HBS1L: variants seen among roughly 807,000 people sequenced by gnomAD.
HBS1L encodes the protein HBS1-like protein.
HBS1L carries 55 observed loss-of-function variants against 88.9 expected under a neutral mutation model. That is an observed-to-expected ratio of 0.62 (90% confidence interval 0.50 to 0.77). The LOEUF (loss-of-function observed/expected upper bound fraction) is 0.77. Ranked by LOEUF, HBS1L falls within the 30% of genes least tolerant of loss-of-function variation. The pLI is 0.00. For synonymous variants in HBS1L, 267 were observed against 288.5 expected (o/e 0.93, Z 0.76); for missense variants, 741 against 829.3 (o/e 0.89, Z 1.31).
chr6:135,023,513 A>G (rs1036746067), intron 4 of HBS1L, among the ~76,000 whole-genome samples: 3 of 152,208 alleles, frequency 2.0e-5, no homozygotes, highest in Admixed American at 6.5e-5. Context: ...TATTAAATAG[A>G]TATTTGCATA....
At chr6:135,026,481 C>A (rs1430182493) in intron 4 of HBS1L, among the ~76,000 whole-genome samples, 2 of 151,890 alleles carry the variant, frequency 1.3e-5, no homozygotes, top group Non-Finnish European at 2.9e-5. Context: ...ATATAAAAGA[C>A]AACAACTTTT....
intron 4 of HBS1L, among the ~76,000 whole-genome samples, chr6:135,022,852 C>T (rs1218547001): frequency 6.6e-6 from 1 of 151,042 alleles, no homozygotes; most frequent in Non-Finnish European, 1.5e-5. Flanking sequence ...GTAACATAAA[C>T]TTTTCAAATT....
At chr6:134,998,106 C>T (rs907142444) in intron 5 of HBS1L, among the ~76,000 whole-genome samples, 3 of 152,160 alleles carry the variant, frequency 2.0e-5, no homozygotes, top group African/African-American at 4.8e-5. Context: ...AATACTACCC[C>T]GAGGGGAGAT....
intron 1 of HBS1L, among the ~76,000 whole-genome samples, chr6:135,053,267 C>G (rs1416979729): frequency 6.6e-6 from 1 of 152,146 alleles, no homozygotes; most frequent in Non-Finnish European, 1.5e-5. Flanking sequence ...TTTCTCAGTA[C>G]CTTTTGTAGC....
At chr6:135,000,089 C>G (rs1326082893) in intron 5 of HBS1L, among the ~76,000 whole-genome samples, 1 of 151,778 alleles carries the variant, frequency 6.6e-6, no homozygotes, top group Non-Finnish European at 1.5e-5. Flanking sequence ...GTCTCGCTCT[C>G]GCTGTGTTGC....
intron 1 of HBS1L, among the ~76,000 whole-genome samples, chr6:135,054,265 T>C (rs1777177506): frequency 6.6e-6 from 1 of 152,262 alleles, no homozygotes. Context: ...CAACGTTTCA[T>C]GGACATTTCT....
chr6:135,030,325 T>C (rs552713162), intron 4 of HBS1L, among the ~76,000 whole-genome samples: 2 of 152,144 alleles, frequency 1.3e-5, no homozygotes, highest in East Asian at 3.9e-4. Flanking sequence ...TGGGTGCATA[T>C]GAAAGTTCCC....
At chr6:134,996,259 A>T (rs1225853249) in intron 7 of HBS1L, among the ~76,000 whole-genome samples, 1 of 152,206 alleles carries the variant, frequency 6.6e-6, no homozygotes, top group Non-Finnish European at 1.5e-5. Flanking sequence ...ACTGCATTAT[A>T]GCTACAGAAT....
chr6:134,993,049 C>G, intron 8 of HBS1L, among the ~76,000 whole-genome samples: 1 of 152,170 alleles, frequency 6.6e-6, no homozygotes, highest in East Asian at 1.9e-4. Flanking sequence ...TGTGCCACAA[C>G]TGCTTACAGT....
intron 8 of HBS1L, among the ~76,000 whole-genome samples, chr6:134,990,092 T>C (rs1775088796): frequency 6.6e-6 from 1 of 152,204 alleles, no homozygotes; most frequent in African/African-American, 2.4e-5. Context: ...TATATTTACC[T>C]TCTTAGGTTA....
rs368678985 is a variant in HBS1L, at chr6:134,985,304, G to A, written c.1492+37C>T. 11 of 1,372,026 alleles carry A rather than the reference G, an allele frequency of 8.0e-6. No individual in the cohort carries two copies. The African/African-American group carries it at 1.5e-4, about 18-fold the overall frequency. The allele number at this position is 1,372,026 out of a possible 1,614,324, so 85.0% of individuals were successfully genotyped here. On this transcript the variant is annotated intron_variant, in intron 12 of 17. Transcript: ENST00000367837. ...AGGTTAGGAGGGAATGGGGAAAAGG[G>A]GCTATACTGAAGAAGCACTACAAAG... is the stretch of plus-strand genomic sequence containing the variant.
At chr6:134,965,955 A>C (rs1209283348) in intron 17 of HBS1L, among the ~76,000 whole-genome samples, 1 of 152,212 alleles carries the variant, frequency 6.6e-6, no homozygotes, top group African/African-American at 2.4e-5. Context: ...GGAGTAATGA[A>C]GTACCCTTTA....
intron 8 of HBS1L, 151 bp from the exon 9 acceptor site, chr6:134,987,942 G>A: frequency 1.4e-5 from 7 of 518,086 alleles, no homozygotes; most frequent in South Asian, 1.4e-4. Flanking sequence ...TCCCAAAGAT[G>A]GATTAAAATT....
chr6:134,978,764 G>A lies in HBS1L; in HGVS notation c.1712C>T (p.Pro571Leu), dbSNP rs553194148. Residue 571 changes from proline to leucine, a missense_variant, in exon 15 of 18, where the codon CCC becomes CTC. Transcript: ENST00000367837. ...KINVGCIFCG[P>L]KVPIKACTRF... ...AGTGCAAGCTTTAATGGGTACTTTG[G>A]GGCCACAAAATATGCAGCCAACACT... 7.5e-6 allele frequency: 12 copies of A among 1,606,556 alleles called. No homozygotes were observed. The East Asian group carries it at 2.5e-4, about 33-fold the overall frequency.
At chr6:134,994,767 T>A (rs1308602728) in intron 7 of HBS1L, among the ~76,000 whole-genome samples, 2 of 152,102 alleles carry the variant, frequency 1.3e-5, no homozygotes, top group African/African-American at 4.8e-5. Flanking sequence ...AATTTCATAT[T>A]TTCAGATTAG....
At chr6:135,039,863 G>A (rs1776675201) in intron 3 of HBS1L, 96 bp from the exon 4 acceptor site, 1 of 1,043,756 alleles carries the variant, frequency 9.6e-7, no homozygotes. Context: ...AGCTGTACTA[G>A]AATATTCAAC....
At chr6:135,028,728 GAA>G (rs1776305853) in intron 4 of HBS1L, among the ~76,000 whole-genome samples, 1 of 151,988 alleles carries the variant, frequency 6.6e-6, no homozygotes, top group East Asian at 1.9e-4. Flanking sequence ...CATAAGACTA[GAA>G]CAATACTAGA....
chr6:135,017,687 G>T (rs1406615069), intron 4 of HBS1L, among the ~76,000 whole-genome samples: 3 of 151,784 alleles, frequency 2.0e-5, no homozygotes, highest in Non-Finnish European at 2.9e-5. Context: ...ACAACATAAA[G>T]AATAGAAACG....
intron 6 of HBS1L, among the ~76,000 whole-genome samples, chr6:134,997,167 G>A (rs1226697435): frequency 1.3e-5 from 2 of 151,944 alleles, no homozygotes; most frequent in Non-Finnish European, 2.9e-5. Context: ...AACAAGACAC[G>A]CCAATTTCAA....
Sources: gnomAD v4.1 joint callset for allele counts (sites outside exome capture counted in the v4.1 genomes callset) on GRCh38, gnomAD v4.1.1 for gene constraint, MANE v1.5 for transcripts, NCBI Gene and HGNC (gene_info 2026-07-23, HGNC 2026-07-21) for gene names.